The following ATL2 variants were observed in gnomAD, a reference collection of about 807,000 sequenced individuals.
ATL2 encodes atlastin-2.
ATL2 carries 31 observed loss-of-function variants against 73.9 expected under a neutral mutation model. The ratio of observed to expected loss-of-function variants is 0.42; its 90% CI spans 0.32 to 0.57. The LOEUF is 0.57. Among genes scored for constraint, ATL2 ranks in the 20% least tolerant of loss-of-function variants. The pLI is 0.14. For missense variants in ATL2, 738 were observed against 702.6 expected (o/e 1.05, Z -0.57); for synonymous variants, 291 against 237.5 (o/e 1.23, Z -2.07).
At chr2:38,372,121 TTG>T (rs1217086550) in intron 1 of ATL2, among the ~76,000 whole-genome samples, 2 of 115,306 alleles carry the variant, frequency 1.7e-5, no homozygotes, top group African/African-American at 9.1e-5. Flanking sequence ...TTCATGTTAA[TTG>T]TTTTTTTTTT....
Position 38,313,122 on chromosome 2 carries a change from G to A in ATL2, c.804+29C>T, listed in dbSNP as rs917082066. On this transcript the variant is annotated intron_variant, in intron 7 of 12. Coordinates refer to ENST00000378954, the MANE Select transcript of ATL2 (RefSeq NM_001135673.4). ...CCCGTTTGCCTAGCTTGGTGCTTATGTTCTCCTCTTTAAGCATTAGGGTCT... is the reference window on the plus strand; with the variant it reads ...CCCGTTTGCCTAGCTTGGTGCTTATATTCTCCTCTTTAAGCATTAGGGTCT... 7 of 1,529,812 alleles carry A rather than the reference G, an allele frequency of 4.6e-6. No individual in the cohort carries two copies. The African/African-American group carries it at 9.6e-5, about 21-fold the overall frequency. The allele number at this position is 1,529,812 out of a possible 1,614,324, so 94.8% of individuals were successfully genotyped here. A position where few individuals can be genotyped will look rare whatever the true frequency, so the allele number is the denominator to read the frequency against.
intron 1 of ATL2, among the ~76,000 whole-genome samples, chr2:38,365,623 T>C (rs903683315): frequency 1.3e-5 from 2 of 152,094 alleles, no homozygotes; most frequent in African/African-American, 4.8e-5. Context: ...ACCCCATCTC[T>C]ACTAAAAATA....
rs554541051 is a variant in ATL2, at chr2:38,358,018, T to A, written c.119-14506A>T. Among the ~76,000 whole-genome samples, 3 of 152,320 alleles carry A rather than the reference T, an allele frequency of 2.0e-5. No individual in the cohort carries two copies. In the South Asian group the frequency reaches 6.2e-4, roughly 32 times the overall value. ...AAGCTTAACATGAATACACATCACC[T>A]GAGTATCTTGTTAAAATGCATATCC... is the stretch of plus-strand genomic sequence containing the variant. On this transcript the variant is annotated intron_variant, in intron 1 of 12. Transcript: ENST00000378954.
intron 1 of ATL2, among the ~76,000 whole-genome samples, chr2:38,370,484 C>CAAAAAAAAAAAAAAAA (rs1671621324): frequency 1.0e-5 from 1 of 99,284 alleles, no homozygotes; most frequent in African/African-American, 3.5e-5. Context: ...AAAAAAAAAT[C>CAAAAAAAAAAAAAAAA]AACCCAGCCA....
chr2:38,363,746 G>C (rs1243158440), intron 1 of ATL2, among the ~76,000 whole-genome samples: 2 of 152,144 alleles, frequency 1.3e-5, no homozygotes, highest in African/African-American at 4.8e-5. Context: ...GGTAACTAGA[G>C]AGCAAGGCAC....
chr2:38,342,237 G>GT (rs1035045138), intron 2 of ATL2, among the ~76,000 whole-genome samples: 20 of 152,144 alleles, frequency 1.3e-4, no homozygotes, highest in South Asian at 4.1e-4. Flanking sequence ...CAATTAAAAT[G>GT]TAAGTATCTC....
intron 1 of ATL2, among the ~76,000 whole-genome samples, chr2:38,356,664 T>A (rs1271434307): frequency 6.6e-6 from 1 of 152,220 alleles, no homozygotes; most frequent in Admixed American, 6.5e-5. Flanking sequence ...TTTTCCAGTA[T>A]AACCAAATCA....
intron 9 of ATL2, among the ~76,000 whole-genome samples, chr2:38,305,320 G>A (rs1287630270): frequency 6.6e-6 from 1 of 152,198 alleles, no homozygotes; most frequent in Non-Finnish European, 1.5e-5. Flanking sequence ...CTTGAGGGCA[G>A]GTGGACCACT....
chr2:38,318,166 A>T (rs1668124838), intron 4 of ATL2, among the ~76,000 whole-genome samples: 1 of 152,138 alleles, frequency 6.6e-6, no homozygotes, highest in Non-Finnish European at 1.5e-5. Flanking sequence ...TCTCAAAAAA[A>T]ATTAAAAAGG....
At chr2:38,349,292 G>A (rs369600141) in intron 1 of ATL2, among the ~76,000 whole-genome samples, 1 of 151,996 alleles carries the variant, frequency 6.6e-6, no homozygotes, top group Admixed American at 6.5e-5. Context: ...ATCAATGATA[G>A]ACTGGATTAA....
chr2:38,304,574 T>C (rs1455319762), intron 9 of ATL2, among the ~76,000 whole-genome samples: 2 of 152,178 alleles, frequency 1.3e-5, no homozygotes, highest in African/African-American at 4.8e-5. Context: ...ATAAAAAATA[T>C]TAATTAACAA....
chr2:38,368,573 T>G lies in ATL2; in HGVS notation c.118+8570A>C, dbSNP rs886581848. 5.3e-5 allele frequency among the ~76,000 whole-genome samples: 8 copies of G among 152,122 alleles called. No individual in the cohort carries two copies. In the South Asian group the frequency reaches 1.7e-3, roughly 32 times the overall value. ...AGCCATAACAACTTTTTAAAAGCAC[T>G]CCAATAGCATGCCTAAAGACTAAGA... On this transcript the variant is annotated intron_variant, in intron 1 of 12. Transcript: ENST00000378954.
chr2:38,352,559 A>T (rs1670420154), intron 1 of ATL2, among the ~76,000 whole-genome samples: 1 of 152,140 alleles, frequency 6.6e-6, no homozygotes, highest in South Asian at 2.1e-4. Context: ...GGAGCCCAGA[A>T]CTCCTTGGAC....
At chr2:38,337,848 T>A (rs1669463892) in intron 2 of ATL2, among the ~76,000 whole-genome samples, 1 of 152,150 alleles carries the variant, frequency 6.6e-6, no homozygotes, top group African/African-American at 2.4e-5. Flanking sequence ...GGAAATGGTA[T>A]AAAAGTAGAA....
chr2:38,365,251 G>T (rs1671256124), intron 1 of ATL2, among the ~76,000 whole-genome samples: 1 of 151,706 alleles, frequency 6.6e-6, no homozygotes, highest in Non-Finnish European at 1.5e-5. Context: ...ATCGAATAGG[G>T]CTACTATGAC....
chr2:38,339,016 G>C (rs554994177), intron 2 of ATL2, among the ~76,000 whole-genome samples: 10 of 152,256 alleles, frequency 6.6e-5, no homozygotes, highest in African/African-American at 2.4e-4. Flanking sequence ...AGGAGTTTGA[G>C]ACCAGCCTAG....
rs2305244 is a variant in ATL2 at position 38,310,154 on chromosome 2, G to C, written c.943+155C>G. Among the ~76,000 whole-genome samples, 1,044 of 152,292 alleles carry C rather than the reference G, an allele frequency of 6.9e-3. 12 individuals are homozygous for C. The highest frequency in any genetic ancestry group is 0.057 in the East Asian group (296 of 5,188). Reference sequence around the variant, plus strand: ...CTGCAAACAAATCAATGGAATGCTAGAGAAACAACACAGAGCATTACAACC... The same window carrying C: ...CTGCAAACAAATCAATGGAATGCTACAGAAACAACACAGAGCATTACAACC... On this transcript the variant is annotated intron_variant, in intron 8 of 12. Coordinates refer to ENST00000378954, the MANE Select transcript of ATL2 (RefSeq NM_001135673.4).
At position 38,314,600 on chromosome 2, in the gene ATL2, T is replaced by A. The variant is rs763481167; in HGVS notation, c.711+8A>T. On this transcript the variant is annotated splice_region_variant and intron_variant, in intron 6 of 12. Transcript: ENST00000378954. ...CTAATCTTTAAAATGTTAGAATAAC[T>A]TTTTTACCTGAAATGGTTTCTGGTA... is the stretch of plus-strand genomic sequence containing the variant. 6.3e-7 allele frequency: 1 copy of A among 1,588,170 alleles called. No homozygotes were observed. Among genetic ancestry groups the A allele is most frequent in the African/African-American group, 1.3e-5 (1 of 74,482 alleles).
intron 12 of ATL2, among the ~76,000 whole-genome samples, chr2:38,297,143 C>A (rs1206182689): frequency 2.0e-5 from 3 of 152,116 alleles, no homozygotes; most frequent in African/African-American, 7.2e-5. Flanking sequence ...AACACAAAAT[C>A]CAAATTAATA....
Sources: allele counts gnomAD v4.1 joint callset (sites outside exome capture counted in the v4.1 genomes callset), GRCh38; gene constraint gnomAD v4.1.1; transcripts MANE v1.5; gene names NCBI Gene and HGNC (gene_info 2026-07-23, HGNC 2026-07-21).